The following PRUNE2 variants were observed in gnomAD, a reference collection of about 807,000 sequenced individuals.
The protein encoded by PRUNE2 is prune homolog 2 with BCH domain, also known as protein prune homolog 2.
Under a neutral mutation model 252.0 loss-of-function variants are expected in PRUNE2, and 164 were observed. The ratio of observed to expected loss-of-function variants is 0.65; its 90% CI spans 0.57 to 0.74. PRUNE2 has a LOEUF of 0.74. Ranked by LOEUF, PRUNE2 falls within the 30% of genes least tolerant of loss-of-function variation. The pLI is 0.00. For synonymous variants in PRUNE2, 1,292 were observed against 1,350.2 expected, an observed-to-expected ratio of 0.96 and a Z score of 0.94; for missense variants, 3,495 against 3,711.0, an observed-to-expected ratio of 0.94 and a Z score of 1.51.
chr9:76,897,164 G>C (rs1004473799), intron 1 of PRUNE2, among the ~76,000 whole-genome samples: 1 of 152,052 alleles, frequency 6.6e-6, no homozygotes, highest in Non-Finnish European at 1.5e-5. Context: ...AACCCCTCTT[G>C]GGTCAGCGTG....
chr9:76,827,192 A>T (rs965865835), intron 4 of PRUNE2, among the ~76,000 whole-genome samples: 1 of 152,166 alleles, frequency 6.6e-6, no homozygotes. Context: ...TCCTTTTCAC[A>T]CTAAATGAAT....
chr9:76,691,657 T>A (rs2044740655), intron 9 of PRUNE2, among the ~76,000 whole-genome samples: 1 of 152,240 alleles, frequency 6.6e-6, no homozygotes, highest in South Asian at 2.1e-4. Flanking sequence ...ACCAGAGCTG[T>A]CCTGCTTGTC....
At chr9:76,860,453 A>G (rs1185464602) in intron 1 of PRUNE2, among the ~76,000 whole-genome samples, 1 of 152,230 alleles carries the variant, frequency 6.6e-6, no homozygotes, top group East Asian at 1.9e-4. Context: ...TAAAACAAGT[A>G]TGAGCAAAAG....
intron 6 of PRUNE2, among the ~76,000 whole-genome samples, chr9:76,724,718 A>T (rs555834543): frequency 1.3e-5 from 2 of 152,320 alleles, no homozygotes; most frequent in Middle Eastern, 3.4e-3. Flanking sequence ...TCAAAGACAA[A>T]TAAGTCATCA....
At chr9:76,783,904 G>A (rs1027643970) in intron 6 of PRUNE2, 4 of 152,246 alleles carry the variant, frequency 2.6e-5, no homozygotes, top group East Asian at 1.9e-4. Flanking sequence ...GCTTTATAAA[G>A]CACTCAATTT....
chr9:76,817,141 G>A (rs1455241689), intron 6 of PRUNE2, among the ~76,000 whole-genome samples: 1 of 152,104 alleles, frequency 6.6e-6, no homozygotes, highest in East Asian at 1.9e-4. Context: ...ATTGCTTAAG[G>A]ATGTCTAGGC....
At chr9:76,632,719 A>C (rs1838239163) in intron 15 of PRUNE2, among the ~76,000 whole-genome samples, 1 of 152,038 alleles carries the variant, frequency 6.6e-6, no homozygotes, top group African/African-American at 2.4e-5. Flanking sequence ...TACGCTGCCT[A>C]GCTAAATTTA....
chr9:76,719,012 C>G (rs1051765382), intron 6 of PRUNE2, among the ~76,000 whole-genome samples: 3 of 152,196 alleles, frequency 2.0e-5, no homozygotes, highest in African/African-American at 7.2e-5. Flanking sequence ...ATCTCCATTG[C>G]TGTCCTAGCC....
chr9:76,905,304 C>A (rs117354263), intron 1 of PRUNE2, among the ~76,000 whole-genome samples: 1 of 152,148 alleles, frequency 6.6e-6, no homozygotes, highest in South Asian at 2.1e-4. Flanking sequence ...CCCGGGAGAA[C>A]GATGATCTGG....
intron 1 of PRUNE2, among the ~76,000 whole-genome samples, chr9:76,903,188 T>C (rs1231473878): frequency 2.6e-5 from 4 of 152,246 alleles, no homozygotes; most frequent in Non-Finnish European, 5.9e-5. Context: ...ATTTTGATTA[T>C]TGGAGATTAT....
intron 6 of PRUNE2, among the ~76,000 whole-genome samples, chr9:76,816,798 A>T (rs928396562): frequency 6.6e-6 from 1 of 152,232 alleles, no homozygotes; most frequent in African/African-American, 2.4e-5. Flanking sequence ...AAATTTGAAA[A>T]GGCTAAATCA....
At chr9:76,802,253 C>T (rs2056610433) in intron 6 of PRUNE2, among the ~76,000 whole-genome samples, 1 of 152,082 alleles carries the variant, frequency 6.6e-6, no homozygotes, top group South Asian at 2.1e-4. Context: ...AAGAAGACCC[C>T]TTGGCGATTT....
chr9:76,816,023 G>T (rs1040535657), intron 6 of PRUNE2, among the ~76,000 whole-genome samples: 2 of 151,846 alleles, frequency 1.3e-5, no homozygotes, highest in African/African-American at 2.4e-5. Flanking sequence ...TTAGCTGGTC[G>T]TGGTGGCGGG....
At chr9:76,713,812 T>C (rs535627311) in intron 6 of PRUNE2, 91 bp from the exon 7 acceptor site, 2 of 802,760 alleles carry the variant, frequency 2.5e-6, no homozygotes, top group African/African-American at 3.5e-5. Flanking sequence ...ATGATGTATT[T>C]AGGAGAGATA....
At chr9:76,881,324 A>G (rs546060039) in intron 1 of PRUNE2, among the ~76,000 whole-genome samples, 1 of 152,178 alleles carries the variant, frequency 6.6e-6, no homozygotes, top group African/African-American at 2.4e-5. Context: ...GAGAAGCACT[A>G]TACTAATAAA....
chr9:76,898,962 C>T (rs1322691683), intron 1 of PRUNE2, among the ~76,000 whole-genome samples: 1 of 152,222 alleles, frequency 6.6e-6, no homozygotes, highest in African/African-American at 2.4e-5. Context: ...AGGTCTGACT[C>T]AGGATCATGC....
At chr9:76,810,482 CAAT>C (rs2057283738) in intron 6 of PRUNE2, among the ~76,000 whole-genome samples, 1 of 152,164 alleles carries the variant, frequency 6.6e-6, no homozygotes, top group African/African-American at 2.4e-5. Flanking sequence ...TACAAGAAGA[CAAT>C]AATAAACAAC....
At chr9:76,732,319 A>C (rs1008456320) in intron 6 of PRUNE2, among the ~76,000 whole-genome samples, 2 of 152,250 alleles carry the variant, frequency 1.3e-5, no homozygotes, top group Non-Finnish European at 2.9e-5. Context: ...AAAAGTAAAA[A>C]TAAAAATAAA....
At chr9:76,749,835 C>T (rs1002422267) in intron 6 of PRUNE2, among the ~76,000 whole-genome samples, 3 of 152,250 alleles carry the variant, frequency 2.0e-5, no homozygotes, top group African/African-American at 4.8e-5. Context: ...GACAGATTTG[C>T]GTTTCAGTGT....
Sources: gnomAD v4.1 joint callset for allele counts (sites outside exome capture counted in the v4.1 genomes callset) on GRCh38, gnomAD v4.1.1 for gene constraint, MANE v1.5 for transcripts, NCBI Gene and HGNC (gene_info 2026-07-23, HGNC 2026-07-21) for gene names.